The following FGD4 variants were observed in gnomAD, a reference collection of about 807,000 sequenced individuals.
FGD4 encodes the protein FYVE, RhoGEF and PH domain-containing protein 4.
A neutral mutation model predicts 102.0 loss-of-function variants in FGD4; 42 were observed. That is an observed-to-expected ratio of 0.41 (90% CI 0.32 to 0.53). FGD4 has a LOEUF of 0.53. Among genes scored for constraint, FGD4 ranks in the 20% least tolerant of loss-of-function variants. FGD4 has a pLI of 0.21. For missense variants in FGD4, 902 were observed against 1,078.2 expected, an observed-to-expected ratio of 0.84 and a Z score of 2.29; for synonymous variants, 380 against 375.7, an observed-to-expected ratio of 1.01 and a Z score of -0.13.
At chr12:32,481,127 C>CAAAAAAAAAAAAAAAAAAAAAAAAAAA (rs1157108520) in intron 1 of FGD4, among the ~76,000 whole-genome samples, 1 of 27,354 alleles carries the variant, frequency 3.7e-5, no homozygotes, top group Non-Finnish European at 5.6e-5. Flanking sequence ...GACTCCGTCT[C>CAAAAAAAAAAAAAAAAAAAAAAAAAAA]AAAAAAAAAA....
intron 14 of FGD4, among the ~76,000 whole-genome samples, chr12:32,631,634 A>G (rs1410241226): frequency 6.6e-6 from 1 of 151,034 alleles, no homozygotes; most frequent in Non-Finnish European, 1.5e-5. Flanking sequence ...CCTTCCAAGT[A>G]GCTGGGACTA....
intron 1 of FGD4, among the ~76,000 whole-genome samples, chr12:32,536,137 A>G (rs553810931): frequency 4.7e-4 from 71 of 152,076 alleles, no homozygotes; most frequent in Non-Finnish European, 8.5e-4. Context: ...TTACGCTTTC[A>G]GGCAAACTCC....
chr12:32,423,540 C>T (rs1026113934), intron 1 of FGD4, among the ~76,000 whole-genome samples: 6 of 147,024 alleles, frequency 4.1e-5, no homozygotes, highest in South Asian at 2.1e-4. Context: ...TGCAGTGAGC[C>T]GAGATCACGC....
intron 1 of FGD4, among the ~76,000 whole-genome samples, chr12:32,531,260 T>A (rs1448142882): frequency 4.6e-5 from 7 of 152,088 alleles, no homozygotes; most frequent in Non-Finnish European, 1.0e-4. Context: ...TCCTAGCCTC[T>A]TTTTTAATGA....
In FGD4 at chr12:32,399,737, C is replaced by A; in HGVS notation, c.-57C>A. ...CATGCAGGCGACGCCCCCCAGGGGC[C>A]GCTCGCGGCTGGACGGGAGCGGGAG... is the stretch of plus-strand genomic sequence containing the variant. On this transcript the variant is annotated 5_prime_UTR_variant, in exon 1 of 17. Coordinates refer to ENST00000534526, the MANE Select transcript of FGD4 (RefSeq NM_001370298.3). The A allele has an allele frequency of 1.3e-6, 2 of 1,513,018 alleles. No individual in the cohort carries two copies. Among genetic ancestry groups the A allele is most frequent in the Non-Finnish European group, 1.8e-6 (2 of 1,138,532 alleles). 93.7% of individuals were successfully genotyped at this position (1,513,018 alleles called of 1,614,324 possible). A position where few individuals can be genotyped will look rare whatever the true frequency, so the allele number is the denominator to read the frequency against.
Position 32,640,883 on chromosome 12 carries a change from T to C in FGD4, c.*350T>C, listed in dbSNP as rs1592517088. 5.8e-6 allele frequency: 3 copies of C among 514,456 alleles called. No homozygotes were observed. The highest frequency in any genetic ancestry group is 7.0e-5 in the East Asian group (2 of 28,660). 31.9% of individuals were successfully genotyped at this position (514,456 alleles called of 1,614,324 possible). A position where few individuals can be genotyped will look rare whatever the true frequency, so the allele number is the denominator to read the frequency against. On this transcript the variant is annotated 3_prime_UTR_variant, in exon 17 of 17. Coordinates refer to ENST00000534526, the MANE Select transcript of FGD4 (RefSeq NM_001370298.3). The stretch of plus-strand genomic sequence containing the variant: ...CTTTCATGTCTTCTTCTCTTTCACA[T>C]GTAGGACCTGGAACAGTTTGAAAGA...
At position 32,611,169 on chromosome 12, in the gene FGD4, A is replaced by G. The variant is rs1949111223; in HGVS notation, c.1635A>G (p.Glu545=). Residue 545 remains glutamate (E), a synonymous_variant, in exon 10 of 17, where the codon GAA becomes GAG. Transcript: ENST00000534526. The part of the protein sequence containing the change: ...ENLKKLLEIY[E]MLGEEEDIVN... Reference sequence around the variant, plus strand: ...TAAAGAAACTCTTAGAGATTTATGAAATGTTGGGAGAAGAAGAAGACATTG... The same window carrying G: ...TAAAGAAACTCTTAGAGATTTATGAGATGTTGGGAGAAGAAGAAGACATTG... 1 of 1,614,052 alleles carries G rather than the reference A, an allele frequency of 6.2e-7. No individual in the cohort carries two copies. Among genetic ancestry groups the G allele is most frequent in the Admixed American group, 1.7e-5 (1 of 60,004 alleles).
chr12:32,510,522 TTTA>T (rs2136670887), intron 1 of FGD4, among the ~76,000 whole-genome samples: 1 of 152,282 alleles, frequency 6.6e-6, no homozygotes, highest in Admixed American at 6.5e-5. Context: ...TTATAGGAAT[TTTA>T]CTGTAATAAA....
intron 1 of FGD4, among the ~76,000 whole-genome samples, chr12:32,559,846 A>G (rs1325942023): frequency 6.6e-6 from 1 of 152,206 alleles, no homozygotes; most frequent in East Asian, 1.9e-4. Flanking sequence ...TTTTAAAAAG[A>G]CTCAACGTAA....
At chr12:32,401,667 A>G (rs1277875934) in intron 1 of FGD4, among the ~76,000 whole-genome samples, 3 of 150,080 alleles carry the variant, frequency 2.0e-5, no homozygotes, top group Admixed American at 2.0e-4. Context: ...GGTAAAAGGG[A>G]GTTGTGGCAG....
intron 4 of FGD4, among the ~76,000 whole-genome samples, chr12:32,586,285 C>A (rs184795960): frequency 7.9e-5 from 12 of 152,156 alleles, no homozygotes; most frequent in African/African-American, 2.9e-4. Context: ...TAAAAGTTTA[C>A]AATTTTCATT....
intron 1 of FGD4, among the ~76,000 whole-genome samples, chr12:32,433,638 A>G (rs1942127882): frequency 6.6e-6 from 1 of 152,000 alleles, no homozygotes; most frequent in South Asian, 2.1e-4. Flanking sequence ...CACCTGGCCT[A>G]AAAGTGCATT....
chr12:32,492,422 G>A (rs1944131070), intron 1 of FGD4, among the ~76,000 whole-genome samples: 1 of 152,158 alleles, frequency 6.6e-6, no homozygotes, highest in Non-Finnish European at 1.5e-5. Context: ...TCTGATATGT[G>A]TCACACAATA....
intron 12 of FGD4, 33 bp downstream of exon 12, chr12:32,624,485 T>A: frequency 6.4e-7 from 1 of 1,562,488 alleles, no homozygotes; most frequent in Non-Finnish European, 8.7e-7. Flanking sequence ...TTTCTTTCTT[T>A]TTTTTTTTGA....
intron 1 of FGD4, among the ~76,000 whole-genome samples, chr12:32,441,295 C>G (rs899231615): frequency 1.3e-5 from 2 of 152,126 alleles, no homozygotes; most frequent in Admixed American, 6.5e-5. Context: ...ACCCAAAGCC[C>G]TCAGTGTAGT....
At chr12:32,548,048 TA>T (rs1166834878) in intron 1 of FGD4, among the ~76,000 whole-genome samples, 2 of 152,150 alleles carry the variant, frequency 1.3e-5, no homozygotes, top group Non-Finnish European at 1.5e-5. Context: ...TCAGGATAAA[TA>T]TTTTTTAGTA....
intron 1 of FGD4, among the ~76,000 whole-genome samples, chr12:32,563,266 G>T (rs1176168120): frequency 4.0e-4 from 60 of 148,340 alleles, no homozygotes; most frequent in Admixed American, 1.4e-3. Context: ...CAGGCGGAGG[G>T]TCTCCTCACT....
At chr12:32,421,336 A>G (rs183702734) in intron 1 of FGD4, among the ~76,000 whole-genome samples, 7 of 152,302 alleles carry the variant, frequency 4.6e-5, no homozygotes, top group Admixed American at 3.9e-4. Context: ...TGTATTAGAG[A>G]ATAGTATACT....
intron 1 of FGD4, among the ~76,000 whole-genome samples, chr12:32,473,554 G>A (rs1943494447): frequency 6.6e-6 from 1 of 151,796 alleles, no homozygotes; most frequent in African/African-American, 2.4e-5. Context: ...AGAAGGGACA[G>A]ACTCCAGACG....
Sources: gnomAD v4.1 joint callset for allele counts (sites outside exome capture counted in the v4.1 genomes callset) on GRCh38, gnomAD v4.1.1 for gene constraint, MANE v1.5 for transcripts, NCBI Gene and HGNC (gene_info 2026-07-23, HGNC 2026-07-21) for gene names.